Variants in DDB1 observed in about 807,000 individuals in gnomAD.
The protein encoded by DDB1 is DNA damage-binding protein 1.
In DDB1, 18 loss-of-function variants were observed where a neutral mutation model predicts 133.1. The ratio of observed to expected loss-of-function variants is 0.14; its 90% CI spans 0.09 to 0.20. The LOEUF (loss-of-function observed/expected upper bound fraction) is 0.20. Among genes scored for constraint, DDB1 ranks in the 10% least tolerant of loss-of-function variants. The probability of loss-of-function intolerance (pLI) is 1.00; values close to 1 mark genes in which losing one functional copy is unlikely to be tolerated. For synonymous variants in DDB1, 580 were observed against 550.5 expected (o/e 1.05, Z -0.75); for missense variants, 828 against 1,459.2 (o/e 0.57, Z 7.05).
chr11:61,313,883 A>G lies in DDB1; in HGVS notation c.1840T>C (p.Phe614Leu). ...TCACCTGTCTCAATGTTGAGCCCAA[A>G]GTAGAAAAGCGCTCCATCTCCCAAG... is the stretch of plus-strand genomic sequence containing the variant. ...CALGDGALFY[F>L]GLNIETGLLS... The change falls in exon 15 of 27, where the codon TTT (phenylalanine) becomes CTT (leucine). Residue 614 changes from phenylalanine to leucine, a missense_variant. Transcript: ENST00000301764. 6.2e-7 allele frequency: 1 copy of G among 1,614,166 alleles called. No homozygotes were observed. The highest frequency in any genetic ancestry group is 8.5e-7 in the Non-Finnish European group (1 of 1,180,022).
intron 2 of DDB1, 95 bp downstream of exon 2, chr11:61,331,448 G>A (rs988138408): frequency 7.9e-6 from 12 of 1,510,124 alleles, no homozygotes; most frequent in South Asian, 2.6e-5. Context: ...TGAGACCCCC[G>A]TCTCAAAGAA....
chr11:61,321,406 C>CTTTTT, intron 10 of DDB1, 189 bp downstream of exon 10: 1 of 325,622 alleles, frequency 3.1e-6, no homozygotes, highest in Admixed American at 4.5e-5. Flanking sequence ...GTAGTATTTT[C>CTTTTT]TTTTTTTTTT....
chr11:61,313,829 GAA>G, intron 15 of DDB1, 31 bp downstream of exon 15: 3 of 1,609,424 alleles, frequency 1.9e-6, no homozygotes, highest in Non-Finnish European at 1.7e-6. Flanking sequence ...CTCTATTTTT[GAA>G]AGAGTCCCTC....
intron 25 of DDB1, 162 bp from the exon 26 acceptor site, chr11:61,301,094 A>C (rs1590676160): frequency 1.3e-5 from 14 of 1,043,318 alleles, no homozygotes; most frequent in Middle Eastern, 4.6e-4. Context: ...AATTGAAAAA[A>C]ATGTAAAAAT....
At chr11:61,306,736 GC>G (rs1319907257) in intron 21 of DDB1, among the ~76,000 whole-genome samples, 1 of 151,898 alleles carries the variant, frequency 6.6e-6, no homozygotes, top group Non-Finnish European at 1.5e-5. Flanking sequence ...AGATTCCAAC[GC>G]CCTGACCCCT....
chr11:61,311,646 C>A, intron 18 of DDB1, 138 bp downstream of exon 18: 2 of 695,618 alleles, frequency 2.9e-6, no homozygotes, highest in Non-Finnish European at 4.7e-6. Flanking sequence ...TGCTTTCAGG[C>A]TACGATGGCA....
At chr11:61,331,790 C>T in intron 1 of DDB1, 99 bp from the exon 2 acceptor site, 1 of 1,508,394 alleles carries the variant, frequency 6.6e-7, no homozygotes. Context: ...CCAGAATTCT[C>T]ATTTACTTCA....
intron 10 of DDB1, among the ~76,000 whole-genome samples, chr11:61,321,081 T>C (rs1041639134): frequency 3.3e-5 from 5 of 152,090 alleles, no homozygotes; most frequent in Non-Finnish European, 7.4e-5. Context: ...AGATGAGGTC[T>C]ACGTTGCCTA....
At chr11:61,314,793 A>T in intron 12 of DDB1, 1 of 171,814 alleles carries the variant, frequency 5.8e-6, no homozygotes, top group Non-Finnish European at 1.2e-5. Flanking sequence ...ATATGAATAG[A>T]GTAAGACCCT....
intron 7 of DDB1, 135 bp from the exon 8 acceptor site, chr11:61,323,229 C>A: frequency 1.4e-6 from 1 of 720,546 alleles, no homozygotes; most frequent in East Asian, 2.7e-5. Context: ...TTTCAAATTC[C>A]CAGGTCACAC....
At chr11:61,316,810 G>A (rs1349578800) in intron 10 of DDB1, among the ~76,000 whole-genome samples, 1 of 149,480 alleles carries the variant, frequency 6.7e-6, no homozygotes, top group African/African-American at 2.5e-5. Flanking sequence ...TATAGTCCCA[G>A]CTACATGGGA....
At chr11:61,332,836 G>C (rs2512810) in intron 1 of DDB1, 72 bp downstream of exon 1, 1,305,032 of 1,318,936 alleles carry the variant, frequency 0.99, 646,272 homozygotes, top group East Asian at 1. Context: ...CCCCCGGGGC[G>C]GCGGGCCTCC....
intron 18 of DDB1, 141 bp from the exon 19 acceptor site, chr11:61,310,559 A>G: frequency 3.1e-6 from 3 of 959,990 alleles, no homozygotes; most frequent in Non-Finnish European, 2.9e-6. Context: ...AAGGAGCCTG[A>G]GGAGAGTGTT....
intron 21 of DDB1, among the ~76,000 whole-genome samples, chr11:61,304,485 A>G (rs1855852723): frequency 6.6e-6 from 1 of 152,132 alleles, no homozygotes; most frequent in South Asian, 2.1e-4. Flanking sequence ...GAAAGAAAGA[A>G]AGAAAGAAAA....
intron 3 of DDB1, 57 bp from the exon 4 acceptor site, chr11:61,329,641 A>C: frequency 6.6e-7 from 1 of 1,503,934 alleles, no homozygotes. Flanking sequence ...GCAACAGAGG[A>C]CGCTGGGCAC....
At chr11:61,318,606 G>A (rs933250114) in intron 10 of DDB1, among the ~76,000 whole-genome samples, 1 of 151,998 alleles carries the variant, frequency 6.6e-6, no homozygotes, top group African/African-American at 2.4e-5. Context: ...AGGAAGACTG[G>A]GCCTTTTGTC....
At chr11:61,320,382 G>A (rs368311147) in intron 10 of DDB1, among the ~76,000 whole-genome samples, 2 of 151,874 alleles carry the variant, frequency 1.3e-5, no homozygotes, top group South Asian at 4.2e-4. Context: ...TGTATTTTTA[G>A]TAGAGACAGG....
At chr11:61,320,277 T>G (rs189810311) in intron 10 of DDB1, among the ~76,000 whole-genome samples, 2 of 152,098 alleles carry the variant, frequency 1.3e-5, no homozygotes, top group East Asian at 3.9e-4. Flanking sequence ...CTCAGCTCAC[T>G]GCAACCTCCG....
chr11:61,300,352 C>T (rs1855772735), intron 26 of DDB1, 133 bp from the exon 27 acceptor site: 1 of 880,076 alleles, frequency 1.1e-6, no homozygotes, highest in South Asian at 1.5e-5. Context: ...CACCAGAAAC[C>T]CACGCCTCCC....
Sources: allele counts gnomAD v4.1 joint callset (sites outside exome capture counted in the v4.1 genomes callset), GRCh38; gene constraint gnomAD v4.1.1; transcripts MANE v1.5; gene names NCBI Gene and HGNC (gene_info 2026-07-23, HGNC 2026-07-21).